TRPM3: variants seen among roughly 807,000 people sequenced by gnomAD.
TRPM3 encodes long transient receptor potential channel 3.
TRPM3 carries 77 observed loss-of-function variants against 181.2 expected under a neutral mutation model. The ratio of observed to expected loss-of-function variants is 0.42; its 90% CI spans 0.35 to 0.51. The LOEUF (loss-of-function observed/expected upper bound fraction) is 0.51. Among genes scored for constraint, TRPM3 ranks in the 20% least tolerant of loss-of-function variants. The pLI is 0.01. For missense variants in TRPM3, 1,759 were observed against 2,196.7 expected, an observed-to-expected ratio of 0.80 and a Z score of 3.98; for synonymous variants, 745 against 796.4, an observed-to-expected ratio of 0.94 and a Z score of 1.09.
chr9:71,368,497 GA>G (rs1206710574), intron 1 of TRPM3, among the ~76,000 whole-genome samples: 20 of 152,104 alleles, frequency 1.3e-4, no homozygotes, highest in African/African-American at 4.8e-4. Context: ...CCAGTAGTTG[GA>G]AAGGCCCCTA....
At chr9:70,861,752 A>G (rs986474308) in intron 3 of TRPM3, among the ~76,000 whole-genome samples, 1 of 152,214 alleles carries the variant, frequency 6.6e-6, no homozygotes, top group Non-Finnish European at 1.5e-5. Flanking sequence ...TGCATAGGCC[A>G]AGACTACTTA....
chr9:70,874,190 T>C (rs1481398925), intron 1 of TRPM3, among the ~76,000 whole-genome samples: 3 of 151,976 alleles, frequency 2.0e-5, no homozygotes, highest in East Asian at 1.9e-4. Context: ...TCATTCTACA[T>C]AGGCATTTTT....
In TRPM3 at chr9:71,322,541, T is replaced by A. The variant is rs149172696; in HGVS notation, c.183+124112A>T. On this transcript the variant is annotated intron_variant, in intron 1 of 24. Transcript: ENST00000357533. Reference sequence around the variant, plus strand: ...TTAGACTATACCAGCATGCTCTGGGTGAGTGAGGTAGTTGCAAGGAAAATG... The same window carrying A: ...TTAGACTATACCAGCATGCTCTGGGAGAGTGAGGTAGTTGCAAGGAAAATG... 1.8e-4 allele frequency among the ~76,000 whole-genome samples: 28 copies of A among 152,196 alleles called. No individual in the cohort carries two copies. The East Asian group carries it at 4.4e-3, about 24-fold the overall frequency.
intron 24 of TRPM3, among the ~76,000 whole-genome samples, chr9:70,551,425 A>G (rs1053642848): frequency 6.6e-6 from 1 of 152,130 alleles, no homozygotes; most frequent in African/African-American, 2.4e-5. Context: ...CGTTGCTACC[A>G]TTGGTGATAA....
chr9:70,955,420 T>A (rs1459843807), intron 1 of TRPM3, among the ~76,000 whole-genome samples: 3 of 152,234 alleles, frequency 2.0e-5, no homozygotes, highest in Non-Finnish European at 2.9e-5. Context: ...CTGTTCCACA[T>A]GACTGTATAA....
chr9:70,753,148 T>C (rs2076480704), intron 8 of TRPM3, among the ~76,000 whole-genome samples: 1 of 152,006 alleles, frequency 6.6e-6, no homozygotes, highest in African/African-American at 2.4e-5. Flanking sequence ...CACACAACAA[T>C]GAAATAGCCT....
chr9:70,849,963 G>A (rs563594495), intron 3 of TRPM3, among the ~76,000 whole-genome samples: 1 of 152,250 alleles, frequency 6.6e-6, no homozygotes, highest in Non-Finnish European at 1.5e-5. Context: ...CGCAGAATAT[G>A]AAAGCAGCTT....
chr9:71,332,452 G>A (rs1366239875), intron 1 of TRPM3, among the ~76,000 whole-genome samples: 4 of 150,530 alleles, frequency 2.7e-5, no homozygotes, highest in Non-Finnish European at 4.4e-5. Context: ...ATCTAACACA[G>A]TTTGACAATT....
Position 70,536,528 on chromosome 9 carries a change from T to C in TRPM3, c.4585A>G (p.Ile1529Val). 6.2e-7 allele frequency: 1 copy of C among 1,614,150 alleles called. No homozygotes were observed. The highest frequency in any genetic ancestry group is 8.5e-7 in the Non-Finnish European group (1 of 1,180,018). Residue 1529 changes from isoleucine to valine, a missense_variant, in exon 26 of 26, where the codon ATT becomes GTT. Transcript: ENST00000677713. Reference sequence around the variant, plus strand: ...AACATAAAGCTATGAGATTTCACAATGGGAGCCTCTTCTAGAAGAAAGGGT... The same window carrying C: ...AACATAAAGCTATGAGATTTCACAACGGGAGCCTCTTCTAGAAGAAAGGGT... Reference protein sequence around the residue: ...TTPFLLEEAPIVKSHSFMFSP... With the variant: ...TTPFLLEEAPVVKSHSFMFSP...
In TRPM3 at chr9:70,795,101, CAT is replaced by C. The variant is rs1386382708; in HGVS notation, c.974-10824_974-10823del. On this transcript the variant is annotated intron_variant, in intron 6 of 25. Transcript: ENST00000677713. The stretch of plus-strand genomic sequence containing the variant: ...TATTTAAGATATCTGGAAGGGTGTG[CAT>C]AGCCTATATGAAAACACTATTTTAT... 2.6e-5 allele frequency among the ~76,000 whole-genome samples: 4 copies of C among 152,276 alleles called. No homozygotes were observed. In the South Asian group the frequency reaches 6.2e-4, roughly 24 times the overall value.
intron 1 of TRPM3, among the ~76,000 whole-genome samples, chr9:71,275,154 AAAG>A (rs2084096027): frequency 6.6e-6 from 1 of 152,264 alleles, no homozygotes. Flanking sequence ...GGACAATAAA[AAAG>A]AATCTTCCAA....
intron 17 of TRPM3, among the ~76,000 whole-genome samples, chr9:70,616,573 C>CA (rs398113513): frequency 0.46 from 55,247 of 121,208 alleles, 12,085 homozygotes; most frequent in East Asian, 0.55. Context: ...ATTATCTCTG[C>CA]AAAAAAAAAA....
At chr9:71,215,039 A>AC (rs1420260801) in intron 1 of TRPM3, among the ~76,000 whole-genome samples, 2,106 of 74,360 alleles carry the variant, frequency 0.028, 73 homozygotes, top group African/African-American at 0.089. Flanking sequence ...AAAACAAAAA[A>AC]AAAAAAACAA....
At chr9:71,359,158 T>A (rs984742355) in intron 1 of TRPM3, among the ~76,000 whole-genome samples, 6 of 152,120 alleles carry the variant, frequency 3.9e-5, no homozygotes, top group African/African-American at 1.4e-4. Context: ...GGAAGAAGCA[T>A]AAAATGTAAA....
chr9:70,978,834 C>T (rs535041201), intron 1 of TRPM3, among the ~76,000 whole-genome samples: 41 of 152,298 alleles, frequency 2.7e-4, no homozygotes, highest in Non-Finnish European at 4.6e-4. Context: ...CAAAAAGCAT[C>T]GAGCTTAGAC....
At chr9:70,797,263 A>C (rs2131139783) in intron 6 of TRPM3, among the ~76,000 whole-genome samples, 1 of 152,278 alleles carries the variant, frequency 6.6e-6, no homozygotes, top group Non-Finnish European at 1.5e-5. Flanking sequence ...ATGCAATTTA[A>C]ATTCTCATGA....
chr9:71,368,979 A>T (rs1227756239), intron 1 of TRPM3, among the ~76,000 whole-genome samples: 1 of 152,214 alleles, frequency 6.6e-6, no homozygotes, highest in African/African-American at 2.4e-5. Context: ...AAACTGAATG[A>T]TCATGAAAAT....
chr9:71,064,575 C>A (rs2082167479), intron 1 of TRPM3, among the ~76,000 whole-genome samples: 1 of 151,928 alleles, frequency 6.6e-6, no homozygotes, highest in Non-Finnish European at 1.5e-5. Flanking sequence ...GCCACTACAC[C>A]CAGCCTCAAG....
At chr9:70,991,244 T>C (rs1162552127) in intron 1 of TRPM3, among the ~76,000 whole-genome samples, 1 of 152,198 alleles carries the variant, frequency 6.6e-6, no homozygotes, top group Non-Finnish European at 1.5e-5. Context: ...TTTTCACTAA[T>C]TTATTATTGA....
Sources: allele counts gnomAD v4.1 joint callset (sites outside exome capture counted in the v4.1 genomes callset), GRCh38; gene constraint gnomAD v4.1.1; transcripts MANE v1.5; gene names NCBI Gene and HGNC (gene_info 2026-07-23, HGNC 2026-07-21).